The following TNRC6B variants were observed in gnomAD, a reference collection of about 807,000 sequenced individuals.
TNRC6B encodes the protein trinucleotide repeat-containing gene 6B protein.
Under a neutral mutation model 203.6 loss-of-function variants are expected in TNRC6B, and 52 were observed. That is an observed-to-expected ratio of 0.26 (90% CI 0.20 to 0.32). The LOEUF (loss-of-function observed/expected upper bound fraction) is 0.32. TNRC6B is among the 10% of genes least tolerant of loss of function. The pLI is 1.00. For synonymous variants in TNRC6B, 838 were observed against 845.7 expected (o/e 0.99, Z 0.16); for missense variants, 1,923 against 2,286.2 (o/e 0.84, Z 3.24).
intron 1 of TNRC6B, among the ~76,000 whole-genome samples, chr22:40,188,208 CA>C (rs1000043290): frequency 1.3e-5 from 2 of 149,824 alleles, no homozygotes; most frequent in South Asian, 2.1e-4. Context: ...CACTGTGTCT[CA>C]AAAAAAAATA....
chr22:40,210,296 G>C (rs2069544277), intron 1 of TNRC6B, among the ~76,000 whole-genome samples: 1 of 152,206 alleles, frequency 6.6e-6, no homozygotes, highest in South Asian at 2.1e-4. Context: ...GTAAGAAAAA[G>C]CTGTTGTCTC....
chr22:40,069,347 C>G (rs2067927079), intron 1 of TNRC6B, among the ~76,000 whole-genome samples: 1 of 151,758 alleles, frequency 6.6e-6, no homozygotes, highest in Non-Finnish European at 1.5e-5. Context: ...CTCAAGGGAT[C>G]CTCCTACCTC....
At chr22:40,175,359 A>AAT (rs1222907408), upstream of TNRC6B, among the ~76,000 whole-genome samples, 8 of 151,540 alleles carry the variant, frequency 5.3e-5, no homozygotes, top group African/African-American at 7.2e-5. Flanking sequence ...TCTGTCTCAA[A>AAT]ATATATATAT....
intron 3 of TNRC6B, among the ~76,000 whole-genome samples, chr22:40,252,322 G>T (rs1294958890): frequency 2.0e-5 from 3 of 152,198 alleles, no homozygotes; most frequent in African/African-American, 7.2e-5. Flanking sequence ...GAGAATCACT[G>T]CCTTAGATGA....
intron 1 of TNRC6B, among the ~76,000 whole-genome samples, chr22:40,227,490 C>T (rs1303081606): frequency 6.9e-6 from 1 of 145,356 alleles, no homozygotes; most frequent in Non-Finnish European, 1.5e-5. Context: ...GCTGGGATTA[C>T]AGGTGCATGC....
chr22:40,191,070 A>G (rs1473185313), intron 1 of TNRC6B, among the ~76,000 whole-genome samples: 1 of 152,186 alleles, frequency 6.6e-6, no homozygotes, highest in Non-Finnish European at 1.5e-5. Context: ...AGAGAAGAGG[A>G]AGGGAATGGG....
intron 3 of TNRC6B, chr22:40,253,494 C>T (rs2070224674): frequency 2.2e-6 from 1 of 449,200 alleles, no homozygotes; most frequent in Non-Finnish European, 4.4e-6. Flanking sequence ...TTCCTTTCTA[C>T]TCACCACCAA....
At chr22:40,189,126 G>A (rs1358320047) in intron 1 of TNRC6B, among the ~76,000 whole-genome samples, 3 of 152,170 alleles carry the variant, frequency 2.0e-5, no homozygotes, top group Non-Finnish European at 2.9e-5. Context: ...GCAAGTAGAA[G>A]ATGGATATTT....
intron 19 of TNRC6B, 151 bp from the exon 20 acceptor site, chr22:40,315,132 A>G (rs375312518): frequency 7.5e-6 from 5 of 664,686 alleles, no homozygotes; most frequent in Admixed American, 2.8e-5. Context: ...GAACAGTGTT[A>G]TTTTGTATTG....
intron 12 of TNRC6B, 33 bp from the exon 13 acceptor site, chr22:40,300,422 T>C: frequency 6.6e-7 from 1 of 1,505,142 alleles, no homozygotes; most frequent in Non-Finnish European, 8.9e-7. Context: ...GAAGATTCCT[T>C]TTCTTTTCTT....
chr22:40,130,150 T>C (rs776082736), intron 3 of TNRC6B, among the ~76,000 whole-genome samples: 31 of 152,124 alleles, frequency 2.0e-4, no homozygotes, highest in Non-Finnish European at 4.3e-4. Context: ...TATGCATGTT[T>C]GAGAAAAGAG....
chr22:40,292,366 A>AG (rs2070880342), intron 12 of TNRC6B, among the ~76,000 whole-genome samples: 1 of 152,108 alleles, frequency 6.6e-6, no homozygotes, highest in Non-Finnish European at 1.5e-5. Flanking sequence ...AAAAAAAAAA[A>AG]AAAGGATGAC....
intron 1 of TNRC6B, among the ~76,000 whole-genome samples, chr22:40,081,260 T>C (rs547871166): frequency 1.3e-4 from 20 of 152,116 alleles, no homozygotes; most frequent in Non-Finnish European, 2.6e-4. Context: ...AAAACTCTAA[T>C]TCTTCAATGT....
At chr22:40,292,705 C>T (rs1310787522) in intron 12 of TNRC6B, among the ~76,000 whole-genome samples, 1 of 152,210 alleles carries the variant, frequency 6.6e-6, no homozygotes. Flanking sequence ...TGCCTGGAGC[C>T]TAGTGGCGCT....
At chr22:40,198,101 CGAA>C (rs1262575444) in intron 1 of TNRC6B, among the ~76,000 whole-genome samples, 1 of 151,916 alleles carries the variant, frequency 6.6e-6, no homozygotes, top group Admixed American at 6.6e-5. Flanking sequence ...AAAGCTATAA[CGAA>C]GAAAATAGAA....
At chr22:40,321,486 T>C (rs2071333398) in intron 22 of TNRC6B, 1 of 423,974 alleles carries the variant, frequency 2.4e-6, no homozygotes, top group East Asian at 3.9e-5. Flanking sequence ...GTGAGTAAAT[T>C]CTAAGTAACA....
intron 3 of TNRC6B, among the ~76,000 whole-genome samples, chr22:40,152,013 G>A (rs948505673): frequency 6.6e-6 from 1 of 152,088 alleles, no homozygotes; most frequent in Non-Finnish European, 1.5e-5. Context: ...TGAAAAACAA[G>A]AGATTCTAGA....
chr22:40,046,208 T>C (rs1454418457), intron 1 of TNRC6B, among the ~76,000 whole-genome samples: 2 of 152,240 alleles, frequency 1.3e-5, no homozygotes, highest in Non-Finnish European at 2.9e-5. Context: ...TTTCTCTTGA[T>C]TTGGAGAATC....
upstream of TNRC6B, among the ~76,000 whole-genome samples, chr22:40,174,892 C>G (rs899650818): frequency 6.6e-6 from 1 of 151,246 alleles, no homozygotes; most frequent in East Asian, 1.9e-4. Context: ...AAAATATTGT[C>G]TAATTGTTAA....
Sources: allele counts gnomAD v4.1 joint callset (sites outside exome capture counted in the v4.1 genomes callset), GRCh38; gene constraint gnomAD v4.1.1; transcripts MANE v1.5; gene names NCBI Gene and HGNC (gene_info 2026-07-23, HGNC 2026-07-21).